The following CLIC4 variants were observed in gnomAD, a reference collection of about 807,000 sequenced individuals.
The protein encoded by CLIC4 is chloride intracellular channel protein 4.
CLIC4 carries 13 observed loss-of-function variants against 24.6 expected under a neutral mutation model. That is an observed-to-expected ratio of 0.53 (90% CI 0.34 to 0.84). The LOEUF is 0.84. Ranked by LOEUF, CLIC4 falls within the 40% of genes least tolerant of loss-of-function variation. The pLI, the probability that CLIC4 is intolerant of heterozygous loss-of-function variation, is 0.01. For missense variants in CLIC4, 227 were observed against 301.7 expected, an observed-to-expected ratio of 0.75 and a Z score of 1.83; for synonymous variants, 104 against 111.3, an observed-to-expected ratio of 0.93 and a Z score of 0.41.
chr1:24,769,176 T>G (rs983874500), intron 1 of CLIC4, among the ~76,000 whole-genome samples: 12 of 152,176 alleles, frequency 7.9e-5, no homozygotes, highest in Non-Finnish European at 1.6e-4. Context: ...AATCATGAAG[T>G]GACTTTAAAA....
chr1:24,771,161 T>A (rs570162903), intron 1 of CLIC4, among the ~76,000 whole-genome samples: 1 of 152,330 alleles, frequency 6.6e-6, no homozygotes, highest in Non-Finnish European at 1.5e-5. Flanking sequence ...CGCATCTTAC[T>A]ATAAATACTT....
At chr1:24,775,600 A>T in intron 1 of CLIC4, among the ~76,000 whole-genome samples, 2 of 134,376 alleles carry the variant, frequency 1.5e-5, no homozygotes, top group Non-Finnish European at 3.2e-5. Context: ...TCTTTATTCT[A>T]CTGTTAAGCC....
intron 3 of CLIC4, among the ~76,000 whole-genome samples, chr1:24,818,654 A>G (rs917179332): frequency 2.6e-5 from 4 of 152,156 alleles, no homozygotes; most frequent in African/African-American, 9.7e-5. Context: ...TTAATGGACT[A>G]CAAAGCACTG....
chr1:24,797,638 C>CTTT (rs2124131679), intron 1 of CLIC4, 104 bp from the exon 2 acceptor site: 1 of 658,304 alleles, frequency 1.5e-6, no homozygotes, highest in African/African-American at 1.9e-5. Flanking sequence ...CACAATGTAA[C>CTTT]TTTTCCTGGC....
chr1:24,771,810 G>A (rs1320011096), intron 1 of CLIC4: 1 of 511,514 alleles, frequency 2.0e-6, no homozygotes, highest in African/African-American at 1.9e-5. Flanking sequence ...TTGGTTTAGA[G>A]AACTAGAATA....
chr1:24,780,682 A>G (rs900133007), intron 1 of CLIC4, among the ~76,000 whole-genome samples: 1 of 152,340 alleles, frequency 6.6e-6, no homozygotes, highest in African/African-American at 2.4e-5. Flanking sequence ...GGGAATTTGT[A>G]AGAGATGCAG....
chr1:24,839,870 G>T lies in CLIC4; in HGVS notation c.426G>T (p.Arg142Ser). The T allele has an allele frequency of 6.2e-7, 1 of 1,611,222 alleles. No homozygotes were observed. The highest frequency in any genetic ancestry group is 2.2e-5 in the East Asian group (1 of 44,860). Reference sequence around the variant, plus strand: ...TTTTTCCCCCCCAAGCACTGGAGAGGGGTCTCCTGAAAACCCTGCAGAAAC... The same window carrying T: ...TTTTTCCCCCCCAAGCACTGGAGAGTGGTCTCCTGAAAACCCTGCAGAAAC... ...SRPEANEALE[R>S]GLLKTLQKLD... Residue 142 changes from arginine to serine, a missense_variant, in exon 5 of 6, where the codon AGG becomes AGT. Physicochemically the swap from Arg to Ser is moderately radical, Grantham distance 110. Transcript: ENST00000374379.
chr1:24,762,548 A>G (rs1276445884), intron 1 of CLIC4, among the ~76,000 whole-genome samples: 1 of 152,202 alleles, frequency 6.6e-6, no homozygotes, highest in Admixed American at 6.5e-5. Flanking sequence ...GACAAGGAGA[A>G]CAAAGAGGAA....
At chr1:24,822,828 G>T (rs1458093397) in intron 3 of CLIC4, among the ~76,000 whole-genome samples, 1 of 152,174 alleles carries the variant, frequency 6.6e-6, no homozygotes, top group Non-Finnish European at 1.5e-5. Flanking sequence ...GTTTCTAGGG[G>T]ATGAGTGGGA....
At chr1:24,782,715 T>A (rs1400071027) in intron 1 of CLIC4, among the ~76,000 whole-genome samples, 1 of 152,162 alleles carries the variant, frequency 6.6e-6, no homozygotes, top group Non-Finnish European at 1.5e-5. Flanking sequence ...TAGGACACAG[T>A]GGCTCTGTAA....
At chr1:24,777,740 A>G (rs1557800159) in intron 1 of CLIC4, 1 of 152,202 alleles carries the variant, frequency 6.6e-6, no homozygotes, top group Non-Finnish European at 1.5e-5. Flanking sequence ...ATTATGAAAT[A>G]TACACCAGAT....
At chr1:24,807,740 A>G (rs1397832197) in intron 2 of CLIC4, among the ~76,000 whole-genome samples, 1 of 152,196 alleles carries the variant, frequency 6.6e-6, no homozygotes, top group African/African-American at 2.4e-5. Flanking sequence ...TTTAGAACTC[A>G]TATCTAACAA....
chr1:24,779,814 TTCCATG>T (rs1236226723), intron 1 of CLIC4, among the ~76,000 whole-genome samples: 1 of 152,238 alleles, frequency 6.6e-6, no homozygotes, highest in Non-Finnish European at 1.5e-5. Flanking sequence ...ACACTTTTCT[TTCCATG>T]TCCATTGCTT....
In CLIC4 at chr1:24,819,049, A is replaced by G. The variant is rs1236445048; in HGVS notation, c.308+4830A>G. Among the ~76,000 whole-genome samples, 3 of 152,268 alleles carry G rather than the reference A, an allele frequency of 2.0e-5. No homozygotes were observed. The East Asian group carries it at 5.8e-4, about 29-fold the overall frequency. On this transcript the variant is annotated intron_variant, in intron 3 of 5. Coordinates refer to ENST00000374379, the MANE Select transcript of CLIC4 (RefSeq NM_013943.3). ...GTAGGCAGGAAGGCTGATGAGCAACAACACCTCTGTCTATAACTAGCTTCT... is the reference window on the plus strand; with the variant it reads ...GTAGGCAGGAAGGCTGATGAGCAACGACACCTCTGTCTATAACTAGCTTCT...
chr1:24,828,707 G>A (rs938302302), intron 4 of CLIC4, among the ~76,000 whole-genome samples: 3 of 151,078 alleles, frequency 2.0e-5, no homozygotes, highest in Non-Finnish European at 4.4e-5. Flanking sequence ...GGGTGGGGCG[G>A]GAATAAAAAG....
intron 1 of CLIC4, among the ~76,000 whole-genome samples, chr1:24,787,744 A>G (rs985065856): frequency 1.4e-5 from 2 of 145,354 alleles, no homozygotes; most frequent in African/African-American, 5.2e-5. Context: ...ATGGGGTTTC[A>G]CCGTGTTAGC....
chr1:24,773,410 G>A (rs1248469276), intron 1 of CLIC4, among the ~76,000 whole-genome samples: 2 of 152,088 alleles, frequency 1.3e-5, no homozygotes, highest in Admixed American at 6.6e-5. Context: ...AGTATAATGT[G>A]TATACCCTTA....
At chr1:24,783,899 TAACA>T (rs908295547) in intron 1 of CLIC4, among the ~76,000 whole-genome samples, 7 of 151,992 alleles carry the variant, frequency 4.6e-5, no homozygotes, top group Admixed American at 2.0e-4. Flanking sequence ...AATTTGACCC[TAACA>T]AACAGTGACC....
intron 1 of CLIC4, among the ~76,000 whole-genome samples, chr1:24,789,772 GACAT>G (rs1639311496): frequency 2.0e-5 from 3 of 151,048 alleles, no homozygotes; most frequent in East Asian, 1.9e-4. Context: ...TTTATCTTCT[GACAT>G]ACATCTTCTA....
Sources: gnomAD v4.1 joint callset for allele counts (sites outside exome capture counted in the v4.1 genomes callset) on GRCh38, gnomAD v4.1.1 for gene constraint, MANE v1.5 for transcripts, NCBI Gene and HGNC (gene_info 2026-07-23, HGNC 2026-07-21) for gene names.